DENND1A: variants seen among roughly 807,000 people sequenced by gnomAD.
DENND1A encodes DENN domain containing 1A, also known as DENN domain-containing protein 1A.
In DENND1A, 51 loss-of-function variants were observed where a neutral mutation model predicts 113.7. The ratio of observed to expected loss-of-function variants is 0.45; its 90% CI spans 0.36 to 0.57. The LOEUF (loss-of-function observed/expected upper bound fraction) is 0.57. Among genes scored for constraint, DENND1A ranks in the 20% least tolerant of loss-of-function variants. The pLI, the probability that DENND1A is intolerant of heterozygous loss-of-function variation, is 0.00. For synonymous variants in DENND1A, 565 were observed against 570.8 expected (o/e 0.99, Z 0.14); for missense variants, 1,258 against 1,395.9 (o/e 0.90, Z 1.57).
chr9:123,769,775 A>C (rs1829432676), intron 3 of DENND1A, among the ~76,000 whole-genome samples: 1 of 152,196 alleles, frequency 6.6e-6, no homozygotes, highest in Non-Finnish European at 1.5e-5. Flanking sequence ...AAATTAATCA[A>C]GAATCACACA....
At chr9:123,745,697 A>G (rs1173092502) in intron 5 of DENND1A, among the ~76,000 whole-genome samples, 5 of 152,252 alleles carry the variant, frequency 3.3e-5, no homozygotes, top group African/African-American at 1.2e-4. Flanking sequence ...AATGTTCATA[A>G]AAGTCACACG....
chr9:123,502,473 T>C (rs1167445167), intron 13 of DENND1A, among the ~76,000 whole-genome samples: 7 of 152,374 alleles, frequency 4.6e-5, no homozygotes. Context: ...TGGCCATTTG[T>C]ACATTTTCTT....
chr9:123,789,910 A>G (rs1374343377), intron 3 of DENND1A, among the ~76,000 whole-genome samples: 1 of 152,124 alleles, frequency 6.6e-6, no homozygotes, highest in Non-Finnish European at 1.5e-5. Context: ...GTGCTGGTAC[A>G]TGGGAAATAC....
intron 12 of DENND1A, among the ~76,000 whole-genome samples, chr9:123,574,475 A>G (rs1341500259): frequency 6.6e-6 from 1 of 152,090 alleles, no homozygotes; most frequent in East Asian, 1.9e-4. Context: ...ATTTTACCTA[A>G]TTTGTCAAAA....
At chr9:123,427,450 G>A (rs1380959251) in intron 19 of DENND1A, among the ~76,000 whole-genome samples, 2 of 152,170 alleles carry the variant, frequency 1.3e-5, no homozygotes, top group East Asian at 3.9e-4. Flanking sequence ...GCAGACAGCT[G>A]TGCCCATCTC....
intron 13 of DENND1A, among the ~76,000 whole-genome samples, chr9:123,547,947 C>T (rs1189280176): frequency 6.6e-6 from 1 of 152,158 alleles, no homozygotes; most frequent in African/African-American, 2.4e-5. Flanking sequence ...GTGTTTGGTG[C>T]ATATTATTGC....
At chr9:123,425,393 A>G (rs1407537530) in intron 19 of DENND1A, among the ~76,000 whole-genome samples, 1 of 152,250 alleles carries the variant, frequency 6.6e-6, no homozygotes, top group Non-Finnish European at 1.5e-5. Flanking sequence ...CTGAAGGTGG[A>G]GCCTTGGGGG....
chr9:123,692,271 C>T (rs538178919), intron 5 of DENND1A, among the ~76,000 whole-genome samples: 1 of 152,326 alleles, frequency 6.6e-6, no homozygotes, highest in South Asian at 2.1e-4. Context: ...TGTCTACTCT[C>T]TTAGGAGAAA....
intron 11 of DENND1A, among the ~76,000 whole-genome samples, chr9:123,594,979 A>G (rs759067083): frequency 9.9e-5 from 15 of 152,190 alleles, no homozygotes; most frequent in Non-Finnish European, 2.1e-4. Flanking sequence ...AAGAGGGAAG[A>G]GTGACATTTT....
intron 1 of DENND1A, among the ~76,000 whole-genome samples, chr9:123,892,856 C>T (rs147785459): frequency 5.8e-4 from 89 of 152,270 alleles, no homozygotes; most frequent in Middle Eastern, 3.4e-3. Context: ...GTCGTGGGCA[C>T]CTGTAATCCC....
Position 123,583,217 on chromosome 9 carries a change from G to A in DENND1A, c.819C>T (p.Asn273=), listed in dbSNP as rs771808446. Reference sequence around the variant, plus strand: ...GGTCATCGAAGGGGGTTTCCAGGGTGTTGGTGTCCACATTCAGGATCACGA... The same window carrying A: ...GGTCATCGAAGGGGGTTTCCAGGGTATTGGTGTCCACATTCAGGATCACGA... The part of the protein sequence containing the change: ...DDVVILNVDT[N]TLETPFDDLQ... Residue 273 remains asparagine, a synonymous_variant, in exon 12 of 24, where the codon AAC becomes AAT. Transcript: ENST00000394215. 15 of 1,613,022 alleles carry A rather than the reference G, an allele frequency of 9.3e-6. No individual in the cohort carries two copies. The highest frequency in any genetic ancestry group is 1.3e-5 in the Non-Finnish European group (15 of 1,179,506).
At chr9:123,621,410 C>T (rs1211670553) in intron 10 of DENND1A, among the ~76,000 whole-genome samples, 2 of 152,230 alleles carry the variant, frequency 1.3e-5, no homozygotes, top group South Asian at 2.1e-4. Flanking sequence ...TGGTCTTGAA[C>T]TCTTGGCCCC....
intron 13 of DENND1A, among the ~76,000 whole-genome samples, chr9:123,470,041 G>C (rs1297975578): frequency 6.6e-6 from 1 of 152,208 alleles, no homozygotes; most frequent in Admixed American, 6.5e-5. Flanking sequence ...GGATTCTAAG[G>C]TGATGTTGAA....
intron 3 of DENND1A, among the ~76,000 whole-genome samples, chr9:123,787,651 C>T (rs960862115): frequency 2.0e-5 from 3 of 152,094 alleles, no homozygotes; most frequent in African/African-American, 7.2e-5. Context: ...ATTTCCATCA[C>T]AATTAGCCTG....
chr9:123,670,543 A>C (rs2063714574), intron 7 of DENND1A, among the ~76,000 whole-genome samples: 1 of 152,204 alleles, frequency 6.6e-6, no homozygotes, highest in African/African-American at 2.4e-5. Flanking sequence ...CAAGACAATG[A>C]CTAGGATGGA....
chr9:123,720,066 CA>C (rs1490432022), intron 5 of DENND1A, among the ~76,000 whole-genome samples: 3 of 152,174 alleles, frequency 2.0e-5, no homozygotes, highest in Non-Finnish European at 4.4e-5. Context: ...ATTTAATTTC[CA>C]TACTGAAAAT....
intron 2 of DENND1A, among the ~76,000 whole-genome samples, chr9:123,802,417 G>A (rs1030810461): frequency 4.7e-4 from 5 of 10,730 alleles, no homozygotes; most frequent in Non-Finnish European, 9.9e-4. Context: ...ATTCTGCTTT[G>A]TTGTCACCTA....
At chr9:123,652,719 G>C (rs148517015) in intron 8 of DENND1A, among the ~76,000 whole-genome samples, 1 of 152,090 alleles carries the variant, frequency 6.6e-6, no homozygotes, top group East Asian at 1.9e-4. Flanking sequence ...GGCTCAGCTG[G>C]AATTAAGGCA....
chr9:123,617,618 C>T (rs904306288), intron 10 of DENND1A, among the ~76,000 whole-genome samples: 1 of 152,196 alleles, frequency 6.6e-6, no homozygotes, highest in Admixed American at 6.5e-5. Context: ...GTAGCCCGCC[C>T]TTTTGAGCCT....
Sources: allele counts gnomAD v4.1 joint callset (sites outside exome capture counted in the v4.1 genomes callset), GRCh38; gene constraint gnomAD v4.1.1; transcripts MANE v1.5; gene names NCBI Gene and HGNC (gene_info 2026-07-23, HGNC 2026-07-21).